Variants in SORL1 observed in about 807,000 individuals in gnomAD.
The protein encoded by SORL1 is sortilin related receptor 1.
Under a neutral mutation model 273.7 loss-of-function variants are expected in SORL1, and 127 were observed. The observed-to-expected ratio is 0.46, with a 90% CI of 0.40 to 0.54. The LOEUF (loss-of-function observed/expected upper bound fraction) is 0.54, where lower values mean the gene tolerates loss of function less well. Ranked by LOEUF, SORL1 falls within the 20% of genes least tolerant of loss-of-function variation. The probability of loss-of-function intolerance (pLI) is 0.00; values close to 1 mark genes in which losing one functional copy is unlikely to be tolerated. For missense variants in SORL1, 2,494 were observed against 2,846.1 expected (o/e 0.88, Z 2.81); for synonymous variants, 1,031 against 1,067.4 (o/e 0.97, Z 0.66).
intron 43 of SORL1, 47 bp downstream of exon 43, chr11:121,619,964 T>A (rs781369058): frequency 3.9e-6 from 6 of 1,519,880 alleles, no homozygotes; most frequent in Non-Finnish European, 4.6e-6. Context: ...CCTGGCCTGG[T>A]TAGGGTGGGG....
chr11:121,569,361 A>T (rs1014113375), intron 22 of SORL1, among the ~76,000 whole-genome samples: 1 of 152,168 alleles, frequency 6.6e-6, no homozygotes, highest in African/African-American at 2.4e-5. Context: ...ATAACCTTAA[A>T]CTCTGACTGC....
At chr11:121,517,023 G>T (rs867652125) in intron 8 of SORL1, among the ~76,000 whole-genome samples, 3 of 152,042 alleles carry the variant, frequency 2.0e-5, no homozygotes, top group African/African-American at 7.2e-5. Flanking sequence ...CTGCACTTCA[G>T]CCTGGGCGAC....
At chr11:121,487,925 C>A in intron 3 of SORL1, 107 bp from the exon 4 acceptor site, 1 of 1,158,586 alleles carries the variant, frequency 8.6e-7, no homozygotes, top group Non-Finnish European at 1.2e-6. Flanking sequence ...TTGGTGCCAG[C>A]TGGCCCCTGC....
chr11:121,550,725 C>G lies in SORL1; in HGVS notation c.2266+55C>G, dbSNP rs1000215072. Reference sequence around the variant, plus strand: ...TCTTGAGACATGGTTGAAGCAGTATCACGATCTCACCCAAGTCCGGGCTTG... The same window carrying G: ...TCTTGAGACATGGTTGAAGCAGTATGACGATCTCACCCAAGTCCGGGCTTG... On this transcript the variant is annotated intron_variant, in intron 16 of 47. Transcript: ENST00000260197. The surrounding 1 kb of genome is among the most constrained non-coding windows in gnomAD (Gnocchi z 5.3). The G allele has an allele frequency of 1.4e-6, 2 of 1,406,198 alleles. No homozygotes were observed. Among genetic ancestry groups the G allele is most frequent in the Admixed American group, 3.6e-5 (2 of 55,532 alleles). The allele number at this position is 1,406,198 out of a possible 1,614,324, so 87.1% of individuals were successfully genotyped here. A position where few individuals can be genotyped will look rare whatever the true frequency, so the allele number is the denominator to read the frequency against.
chr11:121,521,523 G>A lies in SORL1; in HGVS notation c.1404+674G>A, dbSNP rs568250286. ...CTAATCAGTTTATTTATGAACTGTC[G>A]TTCATCAGCTTTAGGTATAGGTTTC... On this transcript the variant is annotated intron_variant, in intron 9 of 47. Transcript: ENST00000260197. Among the ~76,000 whole-genome samples the A allele has an allele frequency of 1.9e-4, 29 of 152,256 alleles. No individual in the cohort carries two copies. The East Asian group carries it at 4.6e-3, about 24-fold the overall frequency.
intron 1 of SORL1, among the ~76,000 whole-genome samples, chr11:121,461,464 C>T (rs966340105): frequency 2.0e-5 from 3 of 152,252 alleles, no homozygotes; most frequent in African/African-American, 7.2e-5. Context: ...TCTCCTATTA[C>T]TGAGAAATTG....
chr11:121,615,303 G>T (rs939073191), intron 41 of SORL1, among the ~76,000 whole-genome samples: 4 of 151,932 alleles, frequency 2.6e-5, no homozygotes, highest in Non-Finnish European at 4.4e-5. Context: ...TTTGCTTTTA[G>T]ATCAACCGTC....
chr11:121,504,528 T>C (rs930332763), intron 6 of SORL1, among the ~76,000 whole-genome samples: 4 of 152,240 alleles, frequency 2.6e-5, no homozygotes, highest in African/African-American at 9.6e-5. Context: ...TTTGTATTAT[T>C]GATCTTATAT....
At chr11:121,541,566 G>A (rs914796140) in intron 12 of SORL1, among the ~76,000 whole-genome samples, 4 of 152,124 alleles carry the variant, frequency 2.6e-5, no homozygotes, top group African/African-American at 7.2e-5. Flanking sequence ...ATGATGTCAC[G>A]AAAAGATTTC....
chr11:121,626,760 G>A (rs1290236725), intron 46 of SORL1: 1 of 152,158 alleles, frequency 6.6e-6, no homozygotes, highest in Non-Finnish European at 1.5e-5. Flanking sequence ...TTCAAGTTCA[G>A]ACTTACCCTG....
chr11:121,542,128 C>A (rs11601559), intron 12 of SORL1, among the ~76,000 whole-genome samples: 12,570 of 152,206 alleles, frequency 0.083, 566 homozygotes, highest in Middle Eastern at 0.14. Flanking sequence ...AAGAAAGTTG[C>A]AGACATCATG....
intron 21 of SORL1, 48 bp from the exon 22 acceptor site, chr11:121,566,892 C>T (rs758131269): frequency 2.6e-6 from 4 of 1,559,114 alleles, no homozygotes; most frequent in Non-Finnish European, 3.5e-6. Flanking sequence ...TCAGTACCTC[C>T]CTCATGGTGT....
At chr11:121,576,364 G>A (rs73595264) in intron 24 of SORL1, among the ~76,000 whole-genome samples, 3,368 of 152,224 alleles carry the variant, frequency 0.022, 94 homozygotes, top group African/African-American at 0.068. Flanking sequence ...GTACGCAAGC[G>A]TGGCAGAAGG....
rs549284056 is a variant in SORL1 at position 121,620,854 on chromosome 11, CTA to C, written c.5890-208_5890-207del. Among the ~76,000 whole-genome samples the C allele has an allele frequency of 1.5e-3, 226 of 152,290 alleles. 1 individual carries two copies. Among genetic ancestry groups the C allele is most frequent in the Non-Finnish European group, 2.6e-3 (180 of 68,030 alleles). ...GTTAAAAAAATTTTAGTTGATAACT[CTA>C]TGTGCAATTCTATGAGTGAATAGTT... On this transcript the variant is annotated intron_variant, in intron 43 of 47. Coordinates refer to ENST00000260197, the MANE Select transcript of SORL1 (RefSeq NM_003105.6).
In SORL1 at chr11:121,563,932, A is replaced by G. The variant is rs558597052; in HGVS notation, c.3050-3008A>G. Among the ~76,000 whole-genome samples, 10 of 152,266 alleles carry G rather than the reference A, an allele frequency of 6.6e-5. No homozygotes were observed. Among genetic ancestry groups the G allele is most frequent in the African/African-American group, 2.4e-4 (10 of 41,544 alleles). On this transcript the variant is annotated intron_variant, in intron 21 of 47. Transcript: ENST00000260197. The surrounding 1 kb of genome is among the most constrained non-coding windows in gnomAD (Gnocchi z 4.2). ...ATTATTTGAGGTAGATTTGATTTTG[A>G]TAATTGCCAAGTGTATAGATACTTG... is the stretch of plus-strand genomic sequence containing the variant.
intron 6 of SORL1, among the ~76,000 whole-genome samples, chr11:121,511,404 T>G (rs1156348359): frequency 6.6e-6 from 1 of 152,208 alleles, no homozygotes; most frequent in East Asian, 1.9e-4. Flanking sequence ...CATTGATATG[T>G]TCCTCTATAT....
At chr11:121,586,693 T>TGGGGGGGGGGGGGGGGGGGGGGGGGGG (rs376563096) in intron 27 of SORL1, among the ~76,000 whole-genome samples, 2 of 97,160 alleles carry the variant, frequency 2.1e-5, no homozygotes, top group Non-Finnish European at 4.1e-5. Flanking sequence ...GGGGGTAGAG[T>TGGGGGGGGGGGGGGGGGGGGGGGGGGG]GGGGGGGGGG....
intron 28 of SORL1, 85 bp downstream of exon 28, chr11:121,588,236 T>A (rs1452859025): frequency 4.0e-6 from 6 of 1,493,482 alleles, no homozygotes; most frequent in Non-Finnish European, 5.5e-6. Context: ...TGTGTCTCTA[T>A]TTAATAACTG....
intron 4 of SORL1, among the ~76,000 whole-genome samples, chr11:121,488,959 T>TG (rs2134812178): frequency 6.6e-6 from 1 of 152,354 alleles, no homozygotes; most frequent in South Asian, 2.1e-4. Flanking sequence ...AAGTATGGGC[T>TG]GGGTCAGTTT....
Sources: allele counts gnomAD v4.1 joint callset (sites outside exome capture counted in the v4.1 genomes callset), GRCh38; gene constraint gnomAD v4.1.1; non-coding constraint Gnocchi (gnomAD v3.1); transcripts MANE v1.5; gene names NCBI Gene and HGNC (gene_info 2026-07-23, HGNC 2026-07-21).